Variants in STPG2 observed in about 807,000 individuals in gnomAD.
STPG2 encodes the protein sperm-tail PG-rich repeat-containing protein 2.
In STPG2, 56 loss-of-function variants were observed where a neutral mutation model predicts 54.2. The observed-to-expected ratio is 1.03, with a 90% CI of 0.83 to 1.29. The LOEUF is 1.29. Among genes scored for constraint, STPG2 ranks in the 50% most tolerant of loss-of-function variants. The probability of loss-of-function intolerance (pLI) is 0.00; values close to 1 mark genes in which losing one functional copy is unlikely to be tolerated. For missense variants in STPG2, 596 were observed against 544.9 expected (o/e 1.09, Z -0.93); for synonymous variants, 200 against 181.8 (o/e 1.10, Z -0.81).
At chr4:97,625,195 C>A (rs1327669242) in intron 10 of STPG2, among the ~76,000 whole-genome samples, 3 of 152,164 alleles carry the variant, frequency 2.0e-5, no homozygotes, top group Non-Finnish European at 2.9e-5. Context: ...TTAGAAAATT[C>A]AGCTTTATGT....
intron 8 of STPG2, among the ~76,000 whole-genome samples, chr4:97,940,044 T>C (rs929300433): frequency 3.3e-5 from 5 of 152,210 alleles, no homozygotes; most frequent in African/African-American, 1.2e-4. Flanking sequence ...GGACCTTATT[T>C]CTCCTTCACT....
intron 5 of STPG2, among the ~76,000 whole-genome samples, chr4:98,023,812 T>C (rs1736318485): frequency 6.6e-6 from 1 of 152,196 alleles, no homozygotes; most frequent in African/African-American, 2.4e-5. Flanking sequence ...TGAGACTCCA[T>C]GGTTGTAGGA....
chr4:98,098,326 T>C (rs373041015), intron 5 of STPG2, among the ~76,000 whole-genome samples: 42 of 151,946 alleles, frequency 2.8e-4, no homozygotes, highest in African/African-American at 9.9e-4. Flanking sequence ...CACACACCTA[T>C]AGTGAACTCA....
chr4:97,610,993 A>G (rs1326345438), intron 10 of STPG2, among the ~76,000 whole-genome samples: 1 of 152,084 alleles, frequency 6.6e-6, no homozygotes, highest in Non-Finnish European at 1.5e-5. Flanking sequence ...AGTATCCACT[A>G]AGATATTTTA....
At chr4:98,118,474 A>T (rs1384711096) in intron 3 of STPG2, among the ~76,000 whole-genome samples, 1 of 152,140 alleles carries the variant, frequency 6.6e-6, no homozygotes, top group Non-Finnish European at 1.5e-5. Flanking sequence ...TAGCGAGTCA[A>T]ATATGGAAAG....
At chr4:97,997,926 GA>G (rs1375849647) in intron 5 of STPG2, among the ~76,000 whole-genome samples, 1 of 151,998 alleles carries the variant, frequency 6.6e-6, no homozygotes, top group African/African-American at 2.4e-5. Flanking sequence ...AACCTAAAAT[GA>G]AAAATTTTTT....
intron 7 of STPG2, among the ~76,000 whole-genome samples, chr4:97,949,572 C>T (rs1168524143): frequency 1.3e-5 from 2 of 152,026 alleles, no homozygotes; most frequent in Non-Finnish European, 2.9e-5. Flanking sequence ...GATTTAGACT[C>T]CTTTTAGCAT....
intron 8 of STPG2, among the ~76,000 whole-genome samples, chr4:97,889,755 T>C (rs952209358): frequency 9.2e-5 from 14 of 152,116 alleles, no homozygotes; most frequent in African/African-American, 2.9e-4. Flanking sequence ...GTCCAAAAGA[T>C]CTATTGTATA....
chr4:97,684,745 T>C (rs1056662490), intron 10 of STPG2, among the ~76,000 whole-genome samples: 2 of 151,884 alleles, frequency 1.3e-5, no homozygotes, highest in Admixed American at 6.6e-5. Flanking sequence ...ATTTGATAAG[T>C]TGCTCTTCAT....
In STPG2 at chr4:98,140,683, T is replaced by G. The variant is rs183015101; in HGVS notation, c.109+2359A>C. Among the ~76,000 whole-genome samples, 170 of 151,562 alleles carry G rather than the reference T, an allele frequency of 1.1e-3. 1 individual carries two copies. The highest frequency in any genetic ancestry group is 6.1e-3 in the Admixed American group (93 of 15,282). ...GACCAGTATTGCTGGAAAAAAATTT[T>G]AAAAGGGACCAGTATTGCTGGAAAA... On this transcript the variant is annotated intron_variant, in intron 1 of 10. Coordinates refer to ENST00000295268, the MANE Select transcript of STPG2 (RefSeq NM_174952.3).
chr4:97,639,497 A>T (rs1721688582), intron 10 of STPG2, among the ~76,000 whole-genome samples: 2 of 151,964 alleles, frequency 1.3e-5, no homozygotes, highest in South Asian at 2.1e-4. Flanking sequence ...AGTATAATTT[A>T]AAAAAATAAA....
chr4:98,023,170 G>C (rs1450323303), intron 5 of STPG2, among the ~76,000 whole-genome samples: 2 of 152,160 alleles, frequency 1.3e-5, no homozygotes, highest in Non-Finnish European at 2.9e-5. Context: ...GGTCTTTGAT[G>C]ATGGTGAAGT....
At chr4:97,683,748 A>G (rs1383581457) in intron 10 of STPG2, among the ~76,000 whole-genome samples, 1 of 151,834 alleles carries the variant, frequency 6.6e-6, no homozygotes, top group African/African-American at 2.4e-5. Context: ...ATTCTATATA[A>G]TAGTATAAGT....
chr4:97,943,811 T>C, intron 8 of STPG2, 86 bp downstream of exon 8: 1 of 993,830 alleles, frequency 1.0e-6, no homozygotes, highest in Non-Finnish European at 1.5e-6. Flanking sequence ...GTTACCTCAC[T>C]CAGGTCCTAA....
At chr4:97,557,683 A>G (rs1027318841), downstream of STPG2, among the ~76,000 whole-genome samples, 8 of 152,202 alleles carry the variant, frequency 5.3e-5, no homozygotes, top group African/African-American at 9.7e-5. Flanking sequence ...GGCAAGAGAA[A>G]GAGCTACAGG....
intron 5 of STPG2, among the ~76,000 whole-genome samples, chr4:98,015,634 T>C (rs1350250500): frequency 6.6e-6 from 1 of 152,174 alleles, no homozygotes; most frequent in Non-Finnish European, 1.5e-5. Context: ...TCAACCATTG[T>C]GGAAGACAGT....
At chr4:97,984,508 T>C (rs956709177) in intron 5 of STPG2, among the ~76,000 whole-genome samples, 2 of 152,218 alleles carry the variant, frequency 1.3e-5, no homozygotes, top group Admixed American at 6.5e-5. Context: ...CGAAGACTGA[T>C]ATAGTCAAAT....
intron 8 of STPG2, among the ~76,000 whole-genome samples, chr4:97,891,523 A>T (rs1237484373): frequency 6.6e-6 from 1 of 152,108 alleles, no homozygotes; most frequent in Non-Finnish European, 1.5e-5. Context: ...AGCAAGAACA[A>T]TTGATAAATA....
intron 8 of STPG2, chr4:97,917,416 A>G (rs1427297129): frequency 6.6e-6 from 1 of 152,204 alleles, no homozygotes; most frequent in African/African-American, 2.4e-5. Flanking sequence ...AGGCCAAGCG[A>G]GGGGCAAGCA....
Sources: allele counts gnomAD v4.1 joint callset (sites outside exome capture counted in the v4.1 genomes callset), GRCh38; gene constraint gnomAD v4.1.1; transcripts MANE v1.5; gene names NCBI Gene and HGNC (gene_info 2026-07-23, HGNC 2026-07-21).